The following ZNF823 variants were observed in gnomAD, a reference collection of about 807,000 sequenced individuals.
ZNF823 encodes the protein zinc finger protein 823.
In ZNF823, 5 loss-of-function variants were observed where a neutral mutation model predicts 11.4. The ratio of observed to expected loss-of-function variants is 0.44; its 90% confidence interval spans 0.23 to 0.92. The LOEUF (loss-of-function observed/expected upper bound fraction) is 0.92, where lower values mean the gene tolerates loss of function less well. Ranked by LOEUF, ZNF823 falls within the 40% of genes least tolerant of loss-of-function variation. The pLI is 0.24. For synonymous variants in ZNF823, 234 were observed against 250.5 expected, an observed-to-expected ratio of 0.93 and a Z score of 0.62; for missense variants, 582 against 738.5, an observed-to-expected ratio of 0.79 and a Z score of 2.46.
intron 1 of ZNF823, 143 bp from the exon 2 acceptor site, chr19:11,725,470 A>G (rs966519418): frequency 2.5e-6 from 3 of 1,215,994 alleles, no homozygotes; most frequent in African/African-American, 3.0e-5. Flanking sequence ...TTTTGTCTAC[A>G]CTCACTTTTT....
intron 1 of ZNF823, among the ~76,000 whole-genome samples, chr19:11,728,351 AT>A (rs1453901464): frequency 6.6e-6 from 1 of 152,170 alleles, no homozygotes; most frequent in Non-Finnish European, 1.5e-5. Context: ...TGGAGATAAA[AT>A]TTCCTTCAGA....
In ZNF823 at chr19:11,723,087, G is replaced by A. The variant is rs749920287; in HGVS notation, c.447C>T (p.His149=). ...KQRGKAISHQ[H]SFQTHERPPT... ...GGGGCCTTTCATGTGTCTGGAAGGA[G>A]TGCTGATGACTGATGGCTTTCCCAC... The change falls in exon 4 of 4, where the codon CAC becomes CAT. Residue 149 remains histidine (H), a synonymous_variant. Coordinates refer to ENST00000341191, the MANE Select transcript of ZNF823 (RefSeq NM_001080493.4). The A allele has an allele frequency of 1.2e-6, 2 of 1,614,080 alleles. No individual in the cohort carries two copies. Among genetic ancestry groups the A allele is most frequent in the African/African-American group, 1.3e-5 (1 of 74,926 alleles).
At chr19:11,737,255 AT>A (rs879442914) in intron 1 of ZNF823, among the ~76,000 whole-genome samples, 17 of 149,444 alleles carry the variant, frequency 1.1e-4, no homozygotes, top group African/African-American at 2.7e-4. Flanking sequence ...CACATGCACT[AT>A]TTTTTTTTTC....
chr19:11,734,836 C>G (rs1283460675), intron 1 of ZNF823, among the ~76,000 whole-genome samples: 1 of 152,098 alleles, frequency 6.6e-6, no homozygotes, highest in African/African-American at 2.4e-5. Flanking sequence ...ATGCGCCCAT[C>G]CACAATCCCT....
At chr19:11,731,949 C>T (rs1177425568) in intron 1 of ZNF823, among the ~76,000 whole-genome samples, 3 of 144,274 alleles carry the variant, frequency 2.1e-5, no homozygotes, top group Non-Finnish European at 4.5e-5. Flanking sequence ...GCAGAGGTTG[C>T]GATGAGCCGA....
rs190582713 is a variant in ZNF823 at position 11,729,070 on chromosome 19, G to A, written c.4-3743C>T. Among the ~76,000 whole-genome samples, 12 of 152,142 alleles carry A rather than the reference G, an allele frequency of 7.9e-5. No homozygotes were observed. The East Asian group carries it at 2.3e-3, about 29-fold the overall frequency. ...CATGCCTGTAATCTCAGCTACTTGGGAGGCTGAGGCATGAGAATCACTTGA... is the reference window on the plus strand; with the variant it reads ...CATGCCTGTAATCTCAGCTACTTGGAAGGCTGAGGCATGAGAATCACTTGA... On this transcript the variant is annotated intron_variant, in intron 1 of 3. Transcript: ENST00000341191.
At chr19:11,732,889 GTCA>G (rs1221219498) in intron 1 of ZNF823, among the ~76,000 whole-genome samples, 1 of 152,172 alleles carries the variant, frequency 6.6e-6, no homozygotes, top group Non-Finnish European at 1.5e-5. Context: ...TTCCAGTCCT[GTCA>G]TCATGTGTTT....
intron 1 of ZNF823, among the ~76,000 whole-genome samples, chr19:11,735,734 G>T (rs1255907700): frequency 6.6e-6 from 1 of 151,438 alleles, no homozygotes; most frequent in East Asian, 1.9e-4. Context: ...CCTTACATGG[G>T]TATTTAAAAA....
At chr19:11,725,464 G>T in intron 1 of ZNF823, 137 bp from the exon 2 acceptor site, 1 of 1,253,884 alleles carries the variant, frequency 8.0e-7, no homozygotes, top group Non-Finnish European at 1.1e-6. Context: ...CTCTTATTTT[G>T]TCTACACTCA....
intron 2 of ZNF823, 42 bp from the exon 3 acceptor site, chr19:11,724,296 A>C (rs766444011): frequency 6.4e-7 from 1 of 1,553,590 alleles, no homozygotes; most frequent in African/African-American, 1.4e-5. Context: ...ATGTTTACAA[A>C]ATTATAGAAA....
intron 1 of ZNF823, among the ~76,000 whole-genome samples, chr19:11,738,039 T>C (rs1394942257): frequency 1.3e-5 from 2 of 152,160 alleles, no homozygotes; most frequent in African/African-American, 4.8e-5. Flanking sequence ...CTCACCGGGT[T>C]CACAGGAACT....
intron 1 of ZNF823, among the ~76,000 whole-genome samples, chr19:11,733,205 A>G (rs187151072): frequency 5.9e-5 from 9 of 152,126 alleles, no homozygotes; most frequent in Non-Finnish European, 1.3e-4. Flanking sequence ...CGTCTCTAAT[A>G]AAAATACAAA....
chr19:11,722,817 TTCATG>T lies in ZNF823; in HGVS notation c.712_716del (p.His238LysfsTer10), dbSNP rs1422797090. The T allele has an allele frequency of 6.2e-7, 1 of 1,614,038 alleles. No individual in the cohort carries two copies. The highest frequency in any genetic ancestry group is 8.5e-7 in the Non-Finnish European group (1 of 1,180,004). ...ACGCTTTCTCTCCCGTGTGGATTCT[TTCATG>T]TCTTAGATAGGAACTGTAAAAAGGA... On this transcript the variant is annotated frameshift_variant, in exon 4 of 4. Coordinates refer to ENST00000341191, the MANE Select transcript of ZNF823 (RefSeq NM_001080493.4). LOFTEE classifies it low-confidence loss of function (END_TRUNC). This position sits in a 1 kb window ranked among gnomAD's most constrained non-coding sequence, Gnocchi z 5.2.
rs968530924 is a variant in ZNF823 at position 11,722,659 on chromosome 19, C to T, written c.875G>A (p.Arg292Gln). 18 of 1,613,688 alleles carry T rather than the reference C, an allele frequency of 1.1e-5. No individual in the cohort carries two copies. In the Middle Eastern group the frequency reaches 4.9e-4, roughly 44 times the overall value. The change falls in exon 4 of 4, where the codon CGA (arginine) becomes CAA (glutamine). Residue 292 changes from arginine (R) to glutamine (Q), a missense_variant. Transcript: ENST00000341191. This position sits in a 1 kb window ranked among gnomAD's most constrained non-coding sequence, Gnocchi z 5.2. ...TCCCGTGTGAGTCCTTTCATGTAGT[C>T]GAGTGTAATAGTAACAGCTGAAGGC... Reference protein sequence around the residue: ...GKAFSCYYYTRLHERTHTGEQ... With the variant: ...GKAFSCYYYTQLHERTHTGEQ...
At position 11,724,236 on chromosome 19, in the gene ZNF823, T is replaced by C. The variant is rs1974748448; in HGVS notation, c.149A>G (p.Gln50Arg). ...LDCIEMKWEDQNIGDQCQNAK... is the reference protein window; with the variant it reads ...LDCIEMKWEDRNIGDQCQNAK... ...ATTTTGGCACTGATCTCCAATGTTC[T>C]GGTCCTCCCATTTCATTTCTAAAAG... Residue 50 changes from glutamine to arginine, a missense_variant, in exon 3 of 4, where the codon CAG becomes CGG. By Grantham distance (43) the Gln-to-Arg change is conservative. Around this residue, in one of 3 missense-constraint regions of ZNF823, gnomAD observed 429 missense variants for 553.7 expected, o/e 0.77. Coordinates refer to ENST00000341191, the MANE Select transcript of ZNF823 (RefSeq NM_001080493.4). 1 of 1,607,110 alleles carries C rather than the reference T, an allele frequency of 6.2e-7. No individual in the cohort carries two copies. The highest frequency in any genetic ancestry group is 1.7e-5 in the Admixed American group (1 of 58,802).
intron 3 of ZNF823, among the ~76,000 whole-genome samples, chr19:11,723,554 C>T (rs577825608): frequency 6.6e-6 from 1 of 151,834 alleles, no homozygotes; most frequent in Admixed American, 6.6e-5. Flanking sequence ...TTCTTTCTTT[C>T]TTTTTTTTGA....
At chr19:11,736,161 G>GT (rs778551433) in intron 1 of ZNF823, among the ~76,000 whole-genome samples, 2 of 152,092 alleles carry the variant, frequency 1.3e-5, no homozygotes, top group Non-Finnish European at 2.9e-5. Context: ...TAAAGGAAAA[G>GT]TTTTTCCCAA....
intron 1 of ZNF823, among the ~76,000 whole-genome samples, chr19:11,729,530 T>G (rs1974855450): frequency 6.6e-6 from 1 of 152,256 alleles, no homozygotes; most frequent in Admixed American, 6.5e-5. Flanking sequence ...CAGTACCTAC[T>G]GGCTTTCAAT....
chr19:11,727,306 C>T (rs957656332), intron 1 of ZNF823, among the ~76,000 whole-genome samples: 3 of 151,830 alleles, frequency 2.0e-5, no homozygotes, highest in Non-Finnish European at 2.9e-5. Flanking sequence ...GTCAGGAGAT[C>T]GAGACCATCC....
Sources: allele counts gnomAD v4.1 joint callset (sites outside exome capture counted in the v4.1 genomes callset), GRCh38; gene constraint gnomAD v4.1.1; regional missense constraint gnomAD v4.1.1; non-coding constraint Gnocchi (gnomAD v3.1); transcripts MANE v1.5; gene names NCBI Gene and HGNC (gene_info 2026-07-23, HGNC 2026-07-21).